Variants in PARD3B observed in about 807,000 individuals in gnomAD.
PARD3B encodes the protein par-3 family cell polarity regulator beta.
A neutral mutation model predicts 130.2 loss-of-function variants in PARD3B; 103 were observed. That is an observed-to-expected ratio of 0.79 (90% CI 0.67 to 0.93). PARD3B has a LOEUF of 0.93. Ranked by LOEUF, PARD3B falls within the 40% of genes least tolerant of loss-of-function variation. The probability of loss-of-function intolerance (pLI) is 0.00; values close to 1 mark genes in which losing one functional copy is unlikely to be tolerated. For missense variants in PARD3B, 1,609 were observed against 1,499.2 expected (o/e 1.07, Z -1.21); for synonymous variants, 583 against 553.2 (o/e 1.05, Z -0.76).
At chr2:205,081,236 A>G (rs1701386400) in intron 4 of PARD3B, among the ~76,000 whole-genome samples, 2 of 151,882 alleles carry the variant, frequency 1.3e-5, no homozygotes, top group African/African-American at 4.8e-5. Flanking sequence ...ATGAAGTTGT[A>G]TTATTATTTT....
intron 22 of PARD3B, among the ~76,000 whole-genome samples, chr2:205,565,374 G>A (rs898555186): frequency 9.2e-5 from 14 of 151,996 alleles, no homozygotes; most frequent in East Asian, 1.9e-4. Context: ...TTGATATGTC[G>A]GTGCCTTTGA....
chr2:204,845,912 A>T (rs1363968452), intron 2 of PARD3B, among the ~76,000 whole-genome samples: 1 of 152,082 alleles, frequency 6.6e-6, no homozygotes, highest in Non-Finnish European at 1.5e-5. Context: ...GCCTATATAA[A>T]AGTGGAAAAT....
chr2:205,468,692 G>T (rs78538940), intron 20 of PARD3B, among the ~76,000 whole-genome samples: 99 of 152,170 alleles, frequency 6.5e-4, no homozygotes, highest in Admixed American at 2.0e-3. Flanking sequence ...GCATTTTCAC[G>T]GTGAGCATCA....
Position 205,125,876 on chromosome 2 carries a change from C to T in PARD3B, c.1434+139C>T. 1 of 1,209,108 alleles carries T rather than the reference C, an allele frequency of 8.3e-7. No individual in the cohort carries two copies. Among genetic ancestry groups the T allele is most frequent in the Non-Finnish European group, 1.2e-6 (1 of 867,852 alleles). The allele number at this position is 1,209,108 out of a possible 1,614,324, so 74.9% of individuals were successfully genotyped here. A position where few individuals can be genotyped will look rare whatever the true frequency, so the allele number is the denominator to read the frequency against. ...ATTGAATCACACTCAGGGTATTTTA[C>T]CCCATTTGGGGTATCGCATTTTTAA... On this transcript the variant is annotated intron_variant, in intron 10 of 22. Coordinates refer to ENST00000406610, the MANE Select transcript of PARD3B (RefSeq NM_001302769.2). This position sits in a 1 kb window ranked among gnomAD's most constrained non-coding sequence, Gnocchi z 4.0.
chr2:204,923,706 C>T (rs1399264238), intron 2 of PARD3B, among the ~76,000 whole-genome samples: 1 of 151,948 alleles, frequency 6.6e-6, no homozygotes. Context: ...TAATTTTTTA[C>T]CTGTGAGAGT....
chr2:205,503,020 C>CTCTCCCCTCTCTCT (rs1232079182), intron 21 of PARD3B, among the ~76,000 whole-genome samples: 2 of 150,616 alleles, frequency 1.3e-5, no homozygotes, highest in Non-Finnish European at 3.0e-5. Context: ...CCCCTCTCCC[C>CTCTCCCCTCTCTCT]TCTCCCCTCT....
intron 2 of PARD3B, among the ~76,000 whole-genome samples, chr2:204,797,295 T>A (rs1466585624): frequency 3.9e-5 from 6 of 152,198 alleles, no homozygotes; most frequent in African/African-American, 1.4e-4. Context: ...AATAACTTTT[T>A]CAATTAAAAT....
chr2:205,184,795 T>A (rs1436812701), intron 13 of PARD3B, among the ~76,000 whole-genome samples: 1 of 151,456 alleles, frequency 6.6e-6, no homozygotes, highest in African/African-American at 2.4e-5. Context: ...TATATATATA[T>A]AAATAAAATT....
intron 2 of PARD3B, among the ~76,000 whole-genome samples, chr2:204,914,682 A>G (rs2047375553): frequency 6.6e-6 from 1 of 152,178 alleles, no homozygotes; most frequent in African/African-American, 2.4e-5. Flanking sequence ...AAGAGTAGGA[A>G]ACATGTCCTG....
At chr2:205,046,314 T>G (rs1698776020) in intron 3 of PARD3B, among the ~76,000 whole-genome samples, 1 of 151,920 alleles carries the variant, frequency 6.6e-6, no homozygotes, top group African/African-American at 2.4e-5. Context: ...ATTATTGGTA[T>G]GTCAGTTGGT....
chr2:205,047,793 A>G (rs2125413191), intron 4 of PARD3B, 103 bp downstream of exon 4: 1 of 740,502 alleles, frequency 1.4e-6, no homozygotes, highest in Middle Eastern at 3.7e-4. Context: ...CTAGATAGAG[A>G]TCTTTTGATA....
At chr2:205,476,886 T>C (rs1405544698) in intron 20 of PARD3B, among the ~76,000 whole-genome samples, 1 of 152,208 alleles carries the variant, frequency 6.6e-6, no homozygotes, top group Admixed American at 6.5e-5. Flanking sequence ...ATTTACAGCA[T>C]TGACATTTTG....
rs946383905 is a variant in PARD3B at position 204,790,148 on chromosome 2, G to T, written c.222+103866G>T. ...GCCTCCCAGAGTGCTGGGATTACAG[G>T]CATAAGCCACCATGCCCAGCCTCTG... is the stretch of plus-strand genomic sequence containing the variant. On this transcript the variant is annotated intron_variant, in intron 2 of 22. Coordinates refer to ENST00000406610, the MANE Select transcript of PARD3B (RefSeq NM_001302769.2). Among the ~76,000 whole-genome samples, 9 of 152,142 alleles carry T rather than the reference G, an allele frequency of 5.9e-5. No individual in the cohort carries two copies. In the East Asian group the frequency reaches 1.7e-3, roughly 29 times the overall value.
chr2:205,002,058 A>G (rs958731446), intron 3 of PARD3B, among the ~76,000 whole-genome samples: 3 of 152,210 alleles, frequency 2.0e-5, no homozygotes, highest in African/African-American at 7.2e-5. Flanking sequence ...ATAAGTAGCT[A>G]CGATTAACAT....
chr2:205,329,988 C>A (rs574231672), intron 18 of PARD3B, among the ~76,000 whole-genome samples: 2 of 139,204 alleles, frequency 1.4e-5, no homozygotes, highest in African/African-American at 5.2e-5. Context: ...AGCAAAACGC[C>A]GTCTCAAAAT....
At chr2:205,271,838 T>C (rs1242436343) in intron 16 of PARD3B, among the ~76,000 whole-genome samples, 1 of 152,180 alleles carries the variant, frequency 6.6e-6, no homozygotes, top group African/African-American at 2.4e-5. Context: ...CTTAACAGCA[T>C]AATTAGCCTT....
intron 21 of PARD3B, among the ~76,000 whole-genome samples, chr2:205,547,293 C>T (rs1201156461): frequency 6.6e-6 from 1 of 152,120 alleles, no homozygotes; most frequent in Non-Finnish European, 1.5e-5. Context: ...GGCTTTCTCT[C>T]CCCATCAATC....
chr2:205,240,807 T>A (rs1414003946), intron 15 of PARD3B, among the ~76,000 whole-genome samples: 8 of 152,160 alleles, frequency 5.3e-5, no homozygotes, highest in Admixed American at 5.2e-4. Flanking sequence ...GGGGATTGTT[T>A]TCCCCCAGTG....
At position 205,021,618 on chromosome 2, in the gene PARD3B, CT is replaced by C. The variant is rs1696611247; in HGVS notation, c.395-25962del. 1.4e-5 allele frequency among the ~76,000 whole-genome samples: 2 copies of C among 138,704 alleles called. No individual in the cohort carries two copies. The highest frequency in any genetic ancestry group is 1.6e-5 in the Non-Finnish European group (1 of 64,148). The allele number at this position is 138,704 out of a possible 152,430, so 91.0% of individuals were successfully genotyped here. On this transcript the variant is annotated intron_variant, in intron 3 of 22. Transcript: ENST00000406610. This position sits in a 1 kb window ranked among gnomAD's most constrained non-coding sequence, Gnocchi z 4.5. ...CTTCTCTCTCTCTCTCTCTCTCTCT[CT>C]CCCTCTCTCTTTCTCTCTCTCTCTC...
Sources: gnomAD v4.1 joint callset for allele counts (sites outside exome capture counted in the v4.1 genomes callset) on GRCh38, gnomAD v4.1.1 for gene constraint, Gnocchi (gnomAD v3.1) non-coding constraint, MANE v1.5 for transcripts, NCBI Gene and HGNC (gene_info 2026-07-23, HGNC 2026-07-21) for gene names.